RNF139: variants seen among roughly 807,000 people sequenced by gnomAD.
The protein encoded by RNF139 is E3 ubiquitin-protein ligase RNF139.
A neutral mutation model predicts 49.5 loss-of-function variants in RNF139; 15 were observed. That is an observed-to-expected ratio of 0.30 (90% confidence interval 0.20 to 0.47). The LOEUF (loss-of-function observed/expected upper bound fraction) is 0.47. Ranked by LOEUF, RNF139 falls within the 20% of genes least tolerant of loss-of-function variation. RNF139 has a pLI of 1.00. For missense variants in RNF139, 619 were observed against 806.3 expected, an observed-to-expected ratio of 0.77 and a Z score of 2.81; for synonymous variants, 325 against 300.9, an observed-to-expected ratio of 1.08 and a Z score of -0.83.
At position 124,486,539 on chromosome 8, in the gene RNF139, T is replaced by C; in HGVS notation, c.890T>C (p.Val297Ala). 6.2e-7 allele frequency: 1 copy of C among 1,614,220 alleles called. No homozygotes were observed. Among genetic ancestry groups the C allele is most frequent in the Non-Finnish European group, 8.5e-7 (1 of 1,180,030 alleles). Reference protein sequence around the residue: ...STLTVLGMSAVISSVAHYLGL... With the variant: ...STLTVLGMSAAISSVAHYLGL... Reference sequence around the variant, plus strand: ...CTAACTGTACTGGGCATGAGTGCTGTAATTTCCTCAGTAGCCCATTATTTG... The same window carrying C: ...CTAACTGTACTGGGCATGAGTGCTGCAATTTCCTCAGTAGCCCATTATTTG... Residue 297 changes from valine to alanine, a missense_variant, in exon 2 of 2, where the codon GTA becomes GCA. By Grantham distance (64) the Val-to-Ala change is moderately conservative. Coordinates refer to ENST00000303545, the MANE Select transcript of RNF139 (RefSeq NM_007218.4).
At chr8:124,485,771 TAGTG>T in intron 1 of RNF139, 56 bp from the exon 2 acceptor site, 1 of 1,345,788 alleles carries the variant, frequency 7.4e-7, no homozygotes, top group Non-Finnish European at 1.0e-6. Flanking sequence ...TCATAACTCT[TAGTG>T]GGGAAACATT....
chr8:124,477,412 G>T (rs758703544), intron 1 of RNF139, among the ~76,000 whole-genome samples: 7 of 152,134 alleles, frequency 4.6e-5, no homozygotes, highest in Non-Finnish European at 8.8e-5. Context: ...TAGTTTTTTT[G>T]TAGTTGTAGA....
In RNF139 at chr8:124,487,232, AAATT is replaced by A. The variant is rs1373547565; in HGVS notation, c.1588_1591del (p.Asn530HisfsTer5). ...ATGAATCGTAGGACTGCTGTGAAGA[AAATT>A]AATTCACTTCCTGAAATAAAAGGGA... is the stretch of plus-strand genomic sequence containing the variant. On this transcript the variant is annotated frameshift_variant, in exon 2 of 2. Transcript: ENST00000303545. LOFTEE classifies it high-confidence loss of function. 2 of 1,613,924 alleles carry A rather than the reference AAATT, an allele frequency of 1.2e-6. No homozygotes were observed. The highest frequency in any genetic ancestry group is 1.7e-6 in the Non-Finnish European group (2 of 1,179,946).
Position 124,475,050 on chromosome 8 carries a change from C to A in RNF139, c.-60C>A. On this transcript the variant is annotated 5_prime_UTR_variant, in exon 1 of 2. Coordinates refer to ENST00000303545, the MANE Select transcript of RNF139 (RefSeq NM_007218.4). ...CTTAGCCCCCGCCCCCGGCCGCGGC[C>A]CCGGGCCCTGCCCCGCGCGGCCCTG... 8.2e-7 allele frequency: 1 copy of A among 1,226,354 alleles called. No individual in the cohort carries two copies. Among genetic ancestry groups the A allele is most frequent in the Non-Finnish European group, 1.0e-6 (1 of 974,892 alleles). 76.0% of individuals were successfully genotyped at this position (1,226,354 alleles called of 1,614,324 possible). A position where few individuals can be genotyped will look rare whatever the true frequency, so the allele number is the denominator to read the frequency against.
In RNF139 at chr8:124,487,011, G is replaced by A. The variant is rs765511745; in HGVS notation, c.1362G>A (p.Trp454Ter). The A allele has an allele frequency of 1.9e-6, 3 of 1,613,948 alleles. No homozygotes were observed. The highest frequency in any genetic ancestry group is 2.5e-6 in the Non-Finnish European group (3 of 1,179,970). The change falls in exon 2 of 2, where the codon TGG becomes TGA. Residue 454 changes from tryptophan (W) to a stop codon, truncating the protein, a stop_gained. Transcript: ENST00000303545. LOFTEE classifies it high-confidence loss of function. ...TTGATGGCTACTATAATGTCCTCTGGGAAAAGCTTGACGATTATGTCTACT... is the reference window on the plus strand; with the variant it reads ...TTGATGGCTACTATAATGTCCTCTGAGAAAAGCTTGACGATTATGTCTACT... ...FMIDGYYNVL[W>*]EKLDDYVYYV...
At position 124,479,568 on chromosome 8, in the gene RNF139, G is replaced by T. The variant is rs145095429; in HGVS notation, c.181+4278G>T. On this transcript the variant is annotated intron_variant, in intron 1 of 1. Transcript: ENST00000303545. The stretch of plus-strand genomic sequence containing the variant: ...TTGGACAGGATAATTCTTTGTTTGC[G>T]GATGGGAGCTCTCCTGTGCACTGTA... Among the ~76,000 whole-genome samples the T allele has an allele frequency of 7.5e-3, 1,145 of 152,174 alleles. 8 individuals are homozygous for T. Among genetic ancestry groups the T allele is most frequent in the Non-Finnish European group, 0.012 (788 of 68,004 alleles).
intron 1 of RNF139, among the ~76,000 whole-genome samples, chr8:124,478,260 C>T (rs557231767): frequency 6.6e-6 from 1 of 152,122 alleles, no homozygotes; most frequent in Non-Finnish European, 1.5e-5. Context: ...AAGTATTTAG[C>T]CCTTCCTGCA....
At chr8:124,475,994 T>C (rs892648018) in intron 1 of RNF139, among the ~76,000 whole-genome samples, 3 of 152,236 alleles carry the variant, frequency 2.0e-5, no homozygotes, top group African/African-American at 7.2e-5. Context: ...AAAAGTATCT[T>C]ATATTTCATT....
intron 1 of RNF139, among the ~76,000 whole-genome samples, chr8:124,478,290 GA>G (rs796337797): frequency 7.3e-4 from 109 of 149,452 alleles, no homozygotes; most frequent in Admixed American, 1.8e-3. Context: ...TTTTATGGGG[GA>G]AAAAAAAAAG....
At chr8:124,481,907 T>C (rs1816418263) in intron 1 of RNF139, among the ~76,000 whole-genome samples, 5 of 152,112 alleles carry the variant, frequency 3.3e-5, no homozygotes, top group Non-Finnish European at 7.4e-5. Flanking sequence ...ACTTGTTACT[T>C]AGGATATTGG....
intron 1 of RNF139, among the ~76,000 whole-genome samples, chr8:124,476,224 A>G (rs1816311584): frequency 2.0e-5 from 3 of 152,228 alleles, no homozygotes; most frequent in African/African-American, 4.8e-5. Context: ...TTATTCCTTC[A>G]AAAGAGGAGT....
chr8:124,475,418 A>G (rs1816297597), intron 1 of RNF139, 128 bp downstream of exon 1: 3 of 944,516 alleles, frequency 3.2e-6, no homozygotes, highest in Non-Finnish European at 4.7e-6. Context: ...TCATCCCTCA[A>G]AGGGTCGTCT....
At chr8:124,483,028 A>AAT (rs373715299) in intron 1 of RNF139, among the ~76,000 whole-genome samples, 4 of 93,634 alleles carry the variant, frequency 4.3e-5, no homozygotes, top group South Asian at 7.4e-4. Flanking sequence ...TATATATTTA[A>AAT]ATATATATAT....
At position 124,475,143 on chromosome 8, in the gene RNF139, C is replaced by T. The variant is rs1027643697; in HGVS notation, c.34C>T (p.Arg12Trp). The change falls in exon 1 of 2, where the codon CGG becomes TGG. Residue 12 changes from arginine (R) to tryptophan (W), a missense_variant. Transcript: ENST00000303545. The part of the protein sequence containing the change: ...AAVGPPQQQV[R>W]MAHQQVWAAL... Reference sequence around the variant, plus strand: ...CGTGGGGCCCCCGCAGCAGCAGGTGCGGATGGCCCATCAGCAGGTCTGGGC... The same window carrying T: ...CGTGGGGCCCCCGCAGCAGCAGGTGTGGATGGCCCATCAGCAGGTCTGGGC... The T allele has an allele frequency of 5.0e-6, 8 of 1,606,014 alleles. No homozygotes were observed. Among genetic ancestry groups the T allele is most frequent in the Non-Finnish European group, 6.8e-6 (8 of 1,177,808 alleles).
intron 1 of RNF139, 111 bp downstream of exon 1, chr8:124,475,401 TAC>T: frequency 9.2e-7 from 1 of 1,088,986 alleles, no homozygotes. Flanking sequence ...CTTTGGGAAC[TAC>T]AGTTTCATCC....
chr8:124,482,840 C>A (rs1358809642), intron 1 of RNF139, among the ~76,000 whole-genome samples: 1 of 147,408 alleles, frequency 6.8e-6, no homozygotes, highest in Admixed American at 7.0e-5. Context: ...GCAGAAGAAT[C>A]GCTTGAACCT....
rs78078209 is a variant in RNF139 at position 124,484,404 on chromosome 8, T to G, written c.182-1427T>G. ...GGATTTGGACAAGATGAGGGTTTTT[T>G]GAGACAGACTGATTGATTGGTGTCA... On this transcript the variant is annotated intron_variant, in intron 1 of 1. Coordinates refer to ENST00000303545, the MANE Select transcript of RNF139 (RefSeq NM_007218.4). Among the ~76,000 whole-genome samples the G allele has an allele frequency of 3.9e-3, 601 of 152,252 alleles. 6 individuals are homozygous for G. The highest frequency in any genetic ancestry group is 5.0e-3 in the Non-Finnish European group (342 of 68,034).
rs2131295020 is a variant in RNF139, at chr8:124,475,228, C to G, written c.119C>G (p.Ser40Cys). ...CLYIIDAIFN[S>C]YPDSSQSRFC... ...TACATCATCGACGCCATCTTCAACT[C>G]CTACCCGGATTCCAGCCAAAGCCGG... Residue 40 changes from serine (S) to cysteine (C), a missense_variant, in exon 1 of 2, where the codon TCC becomes TGC. By Grantham distance (112) the Ser-to-Cys change is moderately radical. Transcript: ENST00000303545. The G allele has an allele frequency of 1.9e-6, 3 of 1,613,394 alleles. No homozygotes were observed. The highest frequency in any genetic ancestry group is 2.5e-6 in the Non-Finnish European group (3 of 1,179,590).
At chr8:124,476,514 T>G (rs1364658960) in intron 1 of RNF139, among the ~76,000 whole-genome samples, 1 of 152,216 alleles carries the variant, frequency 6.6e-6, no homozygotes, top group African/African-American at 2.4e-5. Flanking sequence ...CCCTAACAGC[T>G]GCAATCCAGA....
Sources: gnomAD v4.1 joint callset for allele counts (sites outside exome capture counted in the v4.1 genomes callset) on GRCh38, gnomAD v4.1.1 for gene constraint, MANE v1.5 for transcripts, NCBI Gene and HGNC (gene_info 2026-07-23, HGNC 2026-07-21) for gene names.